HNRNPM: variants seen among roughly 807,000 people sequenced by gnomAD.
HNRNPM encodes the protein heterogeneous nuclear ribonucleoprotein M.
A neutral mutation model predicts 73.1 loss-of-function variants in HNRNPM; 11 were observed. The ratio of observed to expected loss-of-function variants is 0.15; its 90% CI spans 0.09 to 0.25. HNRNPM has a LOEUF of 0.25. HNRNPM is among the 10% of genes least tolerant of loss of function. The pLI is 1.00. For synonymous variants in HNRNPM, 407 were observed against 355.2 expected (o/e 1.15, Z -1.64); for missense variants, 789 against 1,067.9 (o/e 0.74, Z 3.64).
chr19:8,465,311 G>A lies in HNRNPM; in HGVS notation c.439-13G>A, dbSNP rs370960252. 96 of 1,594,208 alleles carry A rather than the reference G, an allele frequency of 6.0e-5. 2 individuals are homozygous for A. The South Asian group carries it at 9.7e-4, about 16-fold the overall frequency. On this transcript the variant is annotated splice_polypyrimidine_tract_variant and intron_variant, in intron 5 of 15. Coordinates refer to ENST00000325495, the MANE Select transcript of HNRNPM (RefSeq NM_005968.5). ...GGGTCAGTTAAACGTAACACCTTTT[G>A]TGCTTGTTTTAGGATCCTGATGGTG...
chr19:8,486,846 C>T lies in HNRNPM; in HGVS notation c.1978-178C>T, dbSNP rs576970901. 9.3e-4 allele frequency among the ~76,000 whole-genome samples: 142 copies of T among 152,312 alleles called. 1 individual carries two copies. The highest frequency in any genetic ancestry group is 3.3e-3 in the African/African-American group (136 of 41,560). The stretch of plus-strand genomic sequence containing the variant: ...GCCCCAGGGAGGGAGCTGGCTGTGC[C>T]GCTTCACAGCCTTGTCCCACATGTA... On this transcript the variant is annotated intron_variant, in intron 14 of 15. Transcript: ENST00000325495.
At chr19:8,479,078 CTTT>C (rs74176651) in intron 12 of HNRNPM, among the ~76,000 whole-genome samples, 8 of 73,830 alleles carry the variant, frequency 1.1e-4, no homozygotes, top group African/African-American at 3.0e-4. Flanking sequence ...TTCTTTCTTT[CTTT>C]TTTTTTTTTT....
chr19:8,454,309 A>C (rs1303383582), intron 1 of HNRNPM, among the ~76,000 whole-genome samples: 1 of 152,206 alleles, frequency 6.6e-6, no homozygotes, highest in South Asian at 2.1e-4. Flanking sequence ...TAGGTATTTA[A>C]TAAGTGGAAT....
At position 8,455,588 on chromosome 19, in the gene HNRNPM, T is replaced by C. The variant is rs1200133703; in HGVS notation, c.283+14T>C. On this transcript the variant is annotated intron_variant, in intron 2 of 15. Transcript: ENST00000325495. ...TTAAAGAAAAAGGTAATGGTACTGG[T>C]GATTGAGTAGGGTGAGAAGGTTGGT... 4 of 1,605,044 alleles carry C rather than the reference T, an allele frequency of 2.5e-6. No individual in the cohort carries two copies. The highest frequency in any genetic ancestry group is 2.6e-6 in the Non-Finnish European group (3 of 1,173,736).
chr19:8,455,975 T>C (rs1968994016), intron 2 of HNRNPM, among the ~76,000 whole-genome samples: 1 of 150,792 alleles, frequency 6.6e-6, no homozygotes. Context: ...TTTTTAAGTT[T>C]CACAGGAAGA....
chr19:8,447,730 A>G (rs1391356184), intron 1 of HNRNPM, among the ~76,000 whole-genome samples: 1 of 152,142 alleles, frequency 6.6e-6, no homozygotes, highest in African/African-American at 2.4e-5. Context: ...ACCAAAAAAA[A>G]GAAAAAACAA....
At chr19:8,461,422 C>G (rs1399636069) in intron 2 of HNRNPM, among the ~76,000 whole-genome samples, 1 of 152,178 alleles carries the variant, frequency 6.6e-6, no homozygotes, top group Admixed American at 6.5e-5. Context: ...CCAAACCGAT[C>G]CAGAGGACAA....
At chr19:8,485,457 TGTC>T in intron 13 of HNRNPM, 143 bp from the exon 14 acceptor site, 1 of 813,790 alleles carries the variant, frequency 1.2e-6, no homozygotes, top group Admixed American at 2.3e-5. Flanking sequence ...CTGTAGCTGT[TGTC>T]AACATTTGAG....
intron 7 of HNRNPM, among the ~76,000 whole-genome samples, chr19:8,466,813 A>AGCTGG (rs1025940305): frequency 9.0e-6 from 1 of 111,466 alleles, no homozygotes; most frequent in Non-Finnish European, 1.7e-5. Flanking sequence ...TGGGTGATAG[A>AGCTGG]GTGAGACTCA....
chr19:8,486,074 A>G lies in HNRNPM; in HGVS notation c.1646A>G (p.Asp549Gly). ...CTGGAGCGCATGGGCCCCGTGATGG[A>G]TCGCATGGCCACCGGCCTGGAGCGC... ...AGLERMGPVM[D>G]RMATGLERMG... Residue 549 changes from aspartate (D) to glycine (G), a missense_variant, in exon 14 of 16, where the codon GAT becomes GGT. Asp to Gly is a moderately conservative substitution (Grantham distance 94). Transcript: ENST00000325495. The G allele has an allele frequency of 1.9e-6, 3 of 1,603,272 alleles. No homozygotes were observed. Among genetic ancestry groups the G allele is most frequent in the Non-Finnish European group, 2.5e-6 (3 of 1,178,968 alleles).
intron 2 of HNRNPM, among the ~76,000 whole-genome samples, chr19:8,461,127 G>GGT (rs1491067567): frequency 6.6e-6 from 1 of 152,170 alleles, no homozygotes; most frequent in Non-Finnish European, 1.5e-5. Flanking sequence ...TTTGTACAAA[G>GGT]TGTCAGTTTC....
chr19:8,451,926 C>A (rs372945821), intron 1 of HNRNPM, among the ~76,000 whole-genome samples: 2 of 152,220 alleles, frequency 1.3e-5, no homozygotes, highest in East Asian at 3.9e-4. Flanking sequence ...CCAAAAAGGT[C>A]AATTTTTTAA....
intron 14 of HNRNPM, among the ~76,000 whole-genome samples, 175 bp from the exon 15 acceptor site, chr19:8,486,849 T>C (rs1367584514): frequency 6.6e-6 from 1 of 152,170 alleles, no homozygotes; most frequent in Non-Finnish European, 1.5e-5. Flanking sequence ...GCTGTGCCGC[T>C]TCACAGCCTT....
Position 8,468,830 on chromosome 19 carries a change from T to A in HNRNPM, c.891T>A (p.Leu297=), listed in dbSNP as rs776151954. The A allele has an allele frequency of 6.2e-7, 1 of 1,611,732 alleles. No homozygotes were observed. Among genetic ancestry groups the A allele is most frequent in the East Asian group, 2.2e-5 (1 of 44,868 alleles). The change falls in exon 9 of 16, where the codon CTT becomes CTA. Residue 297 remains leucine, a synonymous_variant. Coordinates refer to ENST00000325495, the MANE Select transcript of HNRNPM (RefSeq NM_005968.5). ...TCCCTCCTGAGCGTCCACAACAACT[T>A]CCCCGTAAGTGTTTCAGTGATTAGG... ...DFFPPERPQQ[L]PHGLGGIGMG...
At chr19:8,484,821 C>T (rs1022305520) in intron 13 of HNRNPM, among the ~76,000 whole-genome samples, 6 of 152,158 alleles carry the variant, frequency 3.9e-5, no homozygotes, top group South Asian at 2.1e-4. Flanking sequence ...GCCTTGCTGA[C>T]GGAGCCAGAC....
chr19:8,465,446 C>G lies in HNRNPM; in HGVS notation c.561C>G (p.Pro187=). ...ITIPPSILNN[P]NIPNEIIHAL... ...TCCCACCCAGTATCCTAAATAATCC[C>G]AACATCCCAAATGAGATTATCCATG... The change falls in exon 6 of 16, where the codon CCC becomes CCG. Residue 187 remains proline (P), a synonymous_variant. Transcript: ENST00000325495. 3 of 1,613,684 alleles carry G rather than the reference C, an allele frequency of 1.9e-6. No individual in the cohort carries two copies. The highest frequency in any genetic ancestry group is 4.5e-5 in the East Asian group (2 of 44,868).
chr19:8,461,297 A>G (rs1969379894), intron 2 of HNRNPM, among the ~76,000 whole-genome samples: 4 of 152,316 alleles, frequency 2.6e-5, no homozygotes, highest in African/African-American at 9.6e-5. Flanking sequence ...GTTTTTCATT[A>G]AAAATTTTTC....
At chr19:8,450,998 C>T (rs1268096492) in intron 1 of HNRNPM, among the ~76,000 whole-genome samples, 1 of 152,144 alleles carries the variant, frequency 6.6e-6, no homozygotes, top group Non-Finnish European at 1.5e-5. Context: ...CCCCCGCCTC[C>T]TGTGTTCAAG....
At chr19:8,467,683 T>C in intron 8 of HNRNPM, 99 bp downstream of exon 8, 1 of 920,278 alleles carries the variant, frequency 1.1e-6, no homozygotes. Context: ...ATTTGTGGAT[T>C]AGTCTAAGTT....
Sources: gnomAD v4.1 joint callset for allele counts (sites outside exome capture counted in the v4.1 genomes callset) on GRCh38, gnomAD v4.1.1 for gene constraint, MANE v1.5 for transcripts, NCBI Gene and HGNC (gene_info 2026-07-23, HGNC 2026-07-21) for gene names.